The following TAFA2 variants were observed in gnomAD, a reference collection of about 807,000 sequenced individuals.
TAFA2 encodes chemokine-like protein TAFA-2.
In TAFA2, 7 loss-of-function variants were observed where a neutral mutation model predicts 18.8. The observed-to-expected ratio is 0.37, with a 90% CI of 0.21 to 0.70. TAFA2 has a LOEUF of 0.70. Ranked by LOEUF, TAFA2 falls within the 30% of genes least tolerant of loss-of-function variation. TAFA2 has a pLI of 0.53. For missense variants in TAFA2, 122 were observed against 158.1 expected (o/e 0.77, Z 1.23); for synonymous variants, 60 against 54.2 (o/e 1.11, Z -0.47).
intron 1 of TAFA2, among the ~76,000 whole-genome samples, chr12:61,927,069 G>GAAAAA (rs56908081): frequency 1.0e-4 from 7 of 69,924 alleles, no homozygotes; most frequent in African/African-American, 1.7e-4. Flanking sequence ...GTGAGACTCT[G>GAAAAA]AAAAAAAAAA....
chr12:61,877,051 T>C (rs990823202), intron 1 of TAFA2, among the ~76,000 whole-genome samples: 1 of 152,178 alleles, frequency 6.6e-6, no homozygotes, highest in Non-Finnish European at 1.5e-5. Flanking sequence ...TACCAGATTT[T>C]AATATAACAA....
chr12:61,818,338 C>T (rs1230447403), intron 2 of TAFA2, among the ~76,000 whole-genome samples: 3 of 151,936 alleles, frequency 2.0e-5, no homozygotes, highest in African/African-American at 7.3e-5. Context: ...TAATTATTTG[C>T]TTGGGATAAG....
intron 1 of TAFA2, among the ~76,000 whole-genome samples, chr12:62,102,221 T>A (rs1869240219): frequency 6.6e-6 from 1 of 152,312 alleles, no homozygotes. Context: ...TTCACTAGAA[T>A]GTTATTTGGA....
intron 1 of TAFA2, among the ~76,000 whole-genome samples, chr12:61,949,489 T>C (rs981449364): frequency 5.9e-5 from 9 of 151,990 alleles, no homozygotes; most frequent in Admixed American, 5.3e-4. Flanking sequence ...AGCCAGTCAA[T>C]GGGGATTAAA....
chr12:61,826,047 CCT>C (rs1355736291), intron 2 of TAFA2, among the ~76,000 whole-genome samples: 4 of 151,878 alleles, frequency 2.6e-5, no homozygotes, highest in Non-Finnish European at 4.4e-5. Flanking sequence ...AATACAGTAC[CCT>C]GAGTTGAAGC....
intron 1 of TAFA2, among the ~76,000 whole-genome samples, chr12:62,097,455 G>A (rs758868719): frequency 9.2e-5 from 14 of 152,176 alleles, no homozygotes; most frequent in Non-Finnish European, 1.5e-4. Context: ...AATGGAAATA[G>A]GTTGGTAAAC....
chr12:62,119,646 C>T (rs75099219), intron 1 of TAFA2, among the ~76,000 whole-genome samples: 2 of 152,060 alleles, frequency 1.3e-5, no homozygotes, highest in Admixed American at 1.3e-4. Context: ...TAACCTGTAC[C>T]TTATAGATAA....
intron 1 of TAFA2, among the ~76,000 whole-genome samples, chr12:62,076,133 G>C (rs772231163): frequency 8.5e-5 from 13 of 152,084 alleles, no homozygotes; most frequent in Non-Finnish European, 1.5e-4. Context: ...TTTCAAAAGG[G>C]AAGTGAATTT....
chr12:61,933,402 G>A lies in TAFA2; in HGVS notation c.-1-65976C>T, dbSNP rs933297094. On this transcript the variant is annotated intron_variant, in intron 1 of 4. Transcript: ENST00000416284. The stretch of plus-strand genomic sequence containing the variant: ...TAATAAAGTTACTGGTGCAGAACTC[G>A]AAACCAGGGCTAAAAGATATGTTTC... 3.9e-5 allele frequency among the ~76,000 whole-genome samples: 6 copies of A among 152,078 alleles called. No individual in the cohort carries two copies. In the East Asian group the frequency reaches 5.8e-4, roughly 15 times the overall value.
intron 1 of TAFA2, among the ~76,000 whole-genome samples, chr12:61,906,124 C>T (rs912751415): frequency 1.3e-5 from 2 of 152,114 alleles, no homozygotes; most frequent in Non-Finnish European, 2.9e-5. Flanking sequence ...TACAAAAGAG[C>T]CACATGTAGC....
chr12:61,719,270 A>G (rs1205362526), intron 4 of TAFA2, among the ~76,000 whole-genome samples: 1 of 152,190 alleles, frequency 6.6e-6, no homozygotes, highest in Non-Finnish European at 1.5e-5. Flanking sequence ...GGGTAGGAGG[A>G]TAGAGGAGCC....
At chr12:61,935,655 T>C (rs915161748) in intron 1 of TAFA2, among the ~76,000 whole-genome samples, 1 of 152,166 alleles carries the variant, frequency 6.6e-6, no homozygotes, top group Non-Finnish European at 1.5e-5. Flanking sequence ...TTTCTCATTT[T>C]TTGAAAGATC....
chr12:61,722,473 G>A (rs1470581845), intron 4 of TAFA2, among the ~76,000 whole-genome samples: 3 of 152,042 alleles, frequency 2.0e-5, no homozygotes, highest in Non-Finnish European at 4.4e-5. Context: ...TTGTGAAGTG[G>A]GTCAGTGTTA....
chr12:62,140,039 G>C (rs1057128575), intron 1 of TAFA2: 3 of 152,106 alleles, frequency 2.0e-5, no homozygotes, highest in African/African-American at 7.2e-5. Flanking sequence ...ACTTTAGAAA[G>C]ACAATACCAA....
intron 2 of TAFA2, among the ~76,000 whole-genome samples, chr12:61,767,381 T>C (rs984467235): frequency 1.3e-5 from 2 of 152,082 alleles, no homozygotes; most frequent in Non-Finnish European, 2.9e-5. Context: ...ATTAAGTCAT[T>C]TAATATTAAG....
In TAFA2 at chr12:61,936,878, T is replaced by A. The variant is rs745864705; in HGVS notation, c.-1-69452A>T. Among the ~76,000 whole-genome samples, 6 of 152,098 alleles carry A rather than the reference T, an allele frequency of 3.9e-5. No individual in the cohort carries two copies. In the South Asian group the frequency reaches 6.2e-4, roughly 16 times the overall value. On this transcript the variant is annotated intron_variant, in intron 1 of 4. Transcript: ENST00000416284. ...AATTGGAAAATAGGAAATCAAACTA[T>A]CACTGTTCACCAATGATATAACCAT...
intron 1 of TAFA2, among the ~76,000 whole-genome samples, chr12:61,920,277 T>C (rs1189204007): frequency 6.6e-6 from 1 of 152,136 alleles, no homozygotes; most frequent in Non-Finnish European, 1.5e-5. Context: ...AAGAGGCAAA[T>C]GAGAATTAAT....
chr12:62,232,704 G>T (rs181972472), intron 1 of TAFA2, among the ~76,000 whole-genome samples: 1 of 152,120 alleles, frequency 6.6e-6, no homozygotes, highest in Non-Finnish European at 1.5e-5. Flanking sequence ...TAGAGATAGG[G>T]TTTCACCATG....
At chr12:61,932,805 G>A (rs919094959) in intron 1 of TAFA2, among the ~76,000 whole-genome samples, 1 of 152,036 alleles carries the variant, frequency 6.6e-6, no homozygotes, top group Non-Finnish European at 1.5e-5. Context: ...ACAAGTTTCC[G>A]GCTTTCTGCA....
Sources: allele counts gnomAD v4.1 joint callset (sites outside exome capture counted in the v4.1 genomes callset), GRCh38; gene constraint gnomAD v4.1.1; transcripts MANE v1.5; gene names NCBI Gene and HGNC (gene_info 2026-07-23, HGNC 2026-07-21).